OSBPL10: variants seen among roughly 807,000 people sequenced by gnomAD.
OSBPL10 encodes the protein oxysterol-binding protein-related protein 10.
A neutral mutation model predicts 81.7 loss-of-function variants in OSBPL10; 49 were observed. The observed-to-expected ratio is 0.60, with a 90% confidence interval of 0.48 to 0.76. OSBPL10 has a LOEUF of 0.76. OSBPL10 is among the 30% of genes least tolerant of loss of function. The pLI, the probability that OSBPL10 is intolerant of heterozygous loss-of-function variation, is 0.00. For missense variants in OSBPL10, 923 were observed against 987.8 expected (o/e 0.93, Z 0.88); for synonymous variants, 419 against 383.6 (o/e 1.09, Z -1.08).
intron 1 of OSBPL10, among the ~76,000 whole-genome samples, chr3:31,897,412 G>T (rs1401833446): frequency 6.6e-6 from 1 of 152,118 alleles, no homozygotes; most frequent in African/African-American, 2.4e-5. Context: ...AAACAGAAGT[G>T]TTAACATCCT....
At chr3:31,744,602 G>T (rs1345029909) in intron 5 of OSBPL10, among the ~76,000 whole-genome samples, 1 of 151,354 alleles carries the variant, frequency 6.6e-6, no homozygotes, top group Non-Finnish European at 1.5e-5. Context: ...GTCAAAGGTG[G>T]GAGAGAGAGC....
Position 31,996,360 on chromosome 3 carries a change from C to A in OSBPL10, n.298+50131G>T, listed in dbSNP as rs976188. On this transcript the variant is annotated intron_variant and non_coding_transcript_variant, in intron 2 of 3. Coordinates refer to the OSBPL10 transcript ENST00000479173. ...GACTTGATTTCTCTAAACTCTCCCC[C>A]CCGTGCAAGGGAACAATGATATGAT... Among the ~76,000 whole-genome samples, 1,243 of 152,142 alleles carry A rather than the reference C, an allele frequency of 8.2e-3. 48 individuals are homozygous for A. The East Asian group carries it at 0.15, about 18-fold the overall frequency.
chr3:32,052,985 T>C (rs1699680981), intron 1 of OSBPL10, among the ~76,000 whole-genome samples: 1 of 152,160 alleles, frequency 6.6e-6, no homozygotes, highest in Admixed American at 6.6e-5. Context: ...AAAAATTGAT[T>C]GACTTACCTG....
At chr3:31,772,879 C>G (rs953853804) in intron 4 of OSBPL10, among the ~76,000 whole-genome samples, 1 of 152,136 alleles carries the variant, frequency 6.6e-6, no homozygotes, top group Admixed American at 6.6e-5. Flanking sequence ...ATTCTTGATT[C>G]TCGGAACCTT....
intron 1 of OSBPL10, among the ~76,000 whole-genome samples, chr3:31,905,515 A>C (rs868692169): frequency 6.6e-6 from 1 of 151,686 alleles, no homozygotes; most frequent in Non-Finnish European, 1.5e-5. Flanking sequence ...ACACCCAGCT[A>C]ATTTTTGTAT....
At chr3:31,978,172 T>C (rs1214133553) in intron 1 of OSBPL10, among the ~76,000 whole-genome samples, 2 of 152,194 alleles carry the variant, frequency 1.3e-5, no homozygotes, top group East Asian at 1.9e-4. Context: ...AGCACTACAA[T>C]TGCACAGCAG....
intron 10 of OSBPL10, among the ~76,000 whole-genome samples, chr3:31,665,091 C>G (rs1700157559): frequency 4.6e-5 from 7 of 152,030 alleles, no homozygotes; most frequent in Admixed American, 4.6e-4. Context: ...GACAGTGGGA[C>G]AAGAGAAAAG....
chr3:31,678,062 T>C (rs1382699820), intron 8 of OSBPL10, among the ~76,000 whole-genome samples: 8 of 117,942 alleles, frequency 6.8e-5, no homozygotes, highest in Non-Finnish European at 1.3e-4. Context: ...CAGTCCGGCC[T>C]GGGCGACAGA....
chr3:31,909,009 A>G (rs1012453035), intron 1 of OSBPL10, among the ~76,000 whole-genome samples: 1 of 152,272 alleles, frequency 6.6e-6, no homozygotes, highest in Non-Finnish European at 1.5e-5. Flanking sequence ...AGTATCATTT[A>G]GCTAAGAAGT....
intron 1 of OSBPL10, among the ~76,000 whole-genome samples, chr3:32,060,200 G>A (rs1018311946): frequency 3.9e-5 from 6 of 152,144 alleles, no homozygotes; most frequent in Non-Finnish European, 2.9e-5. Flanking sequence ...TGATACTGAA[G>A]TATGTATGTC....
intron 2 of OSBPL10, among the ~76,000 whole-genome samples, chr3:32,016,408 G>C (rs1255304287): frequency 6.6e-6 from 1 of 152,052 alleles, no homozygotes; most frequent in Non-Finnish European, 1.5e-5. Flanking sequence ...AGAACACATG[G>C]ACACAGGAAG....
At chr3:32,033,315 C>T (rs909399357) in intron 2 of OSBPL10, among the ~76,000 whole-genome samples, 1 of 152,082 alleles carries the variant, frequency 6.6e-6, no homozygotes, top group Non-Finnish European at 1.5e-5. Context: ...AATTAATTAA[C>T]TTGAACTTAC....
chr3:31,876,935 G>A (rs1575595360), intron 2 of OSBPL10, among the ~76,000 whole-genome samples: 1 of 135,566 alleles, frequency 7.4e-6, no homozygotes, highest in Admixed American at 8.1e-5. Context: ...ACGGAGTCTC[G>A]CTCTGTCGCC....
rs528202408 is a variant in OSBPL10 at position 31,835,394 on chromosome 3, C to G, written c.538-5163G>C. Among the ~76,000 whole-genome samples the G allele has an allele frequency of 8.5e-5, 13 of 152,124 alleles. No individual in the cohort carries two copies. In the East Asian group the frequency reaches 1.5e-3, roughly 18 times the overall value. On this transcript the variant is annotated intron_variant, in intron 3 of 11. Coordinates refer to ENST00000396556, the MANE Select transcript of OSBPL10 (RefSeq NM_017784.5). ...AAAGATCAGCTGGTCCTCAAAACCT[C>G]TTAAGACATGTATCAAAAGTTTGTA...
chr3:32,042,664 C>T lies in OSBPL10; in HGVS notation n.298+3827G>A, dbSNP rs577962692. Among the ~76,000 whole-genome samples, 17 of 152,138 alleles carry T rather than the reference C, an allele frequency of 1.1e-4. No individual in the cohort carries two copies. In the South Asian group the frequency reaches 1.9e-3, roughly 17 times the overall value. ...GAGAGGAATTTTACAGCTGGGTCAC[C>T]GGGGGTGACATCACATATCGGTAGG... is the stretch of plus-strand genomic sequence containing the variant. On this transcript the variant is annotated intron_variant and non_coding_transcript_variant, in intron 2 of 3. Transcript: ENST00000479173.
chr3:31,839,644 A>G (rs1700444663), intron 3 of OSBPL10, among the ~76,000 whole-genome samples: 2 of 152,074 alleles, frequency 1.3e-5, no homozygotes, highest in Admixed American at 6.6e-5. Context: ...GGGTAAGAGC[A>G]TTCTACATAG....
intron 4 of OSBPL10, among the ~76,000 whole-genome samples, chr3:31,824,452 A>G (rs891182228): frequency 2.0e-5 from 3 of 152,200 alleles, no homozygotes; most frequent in Non-Finnish European, 4.4e-5. Flanking sequence ...GATCCAAAAA[A>G]TGGTCCAAAT....
intron 3 of OSBPL10, among the ~76,000 whole-genome samples, chr3:31,854,131 C>G (rs540385696): frequency 4.9e-5 from 7 of 143,246 alleles, no homozygotes; most frequent in Middle Eastern, 3.5e-3. Context: ...TACATTATAT[C>G]TCAGTAAAGT....
rs182164825 is a variant in OSBPL10 at position 31,762,863 on chromosome 3, T to C, written c.730-14743A>G. 2.0e-3 allele frequency among the ~76,000 whole-genome samples: 307 copies of C among 152,156 alleles called. 1 individual carries two copies. The highest frequency in any genetic ancestry group is 3.5e-3 in the Admixed American group (53 of 15,276). ...ATTTGCGGATGCGAGGTGTCAGGACTGAAGGATCCACATTTCTGTGCTCCT... is the reference window on the plus strand; with the variant it reads ...ATTTGCGGATGCGAGGTGTCAGGACCGAAGGATCCACATTTCTGTGCTCCT... On this transcript the variant is annotated intron_variant, in intron 4 of 11. Coordinates refer to ENST00000396556, the MANE Select transcript of OSBPL10 (RefSeq NM_017784.5).
Sources: allele counts gnomAD v4.1 joint callset (sites outside exome capture counted in the v4.1 genomes callset), GRCh38; gene constraint gnomAD v4.1.1; transcripts MANE v1.5; gene names NCBI Gene and HGNC (gene_info 2026-07-23, HGNC 2026-07-21).